Variants in CAPN7 observed in about 807,000 individuals in gnomAD.
CAPN7 encodes the protein calpain 7.
In CAPN7, 72 loss-of-function variants were observed where a neutral mutation model predicts 115.2. The observed-to-expected ratio is 0.63, with a 90% CI of 0.52 to 0.76. CAPN7 has a LOEUF of 0.76. Among genes scored for constraint, CAPN7 ranks in the 30% least tolerant of loss-of-function variants. The pLI is 0.00. For synonymous variants in CAPN7, 344 were observed against 322.3 expected (o/e 1.07, Z -0.72); for missense variants, 905 against 971.5 (o/e 0.93, Z 0.91).
In CAPN7 at chr3:15,223,347, A is replaced by G; in HGVS notation, c.639-128A>G. On this transcript the variant is annotated intron_variant, in intron 5 of 20. Coordinates refer to ENST00000253693, the MANE Select transcript of CAPN7 (RefSeq NM_014296.3). ...GAAAATATTGTCCAAAGATATATCA[A>G]CAACATGAGGTTGTCAGTTTAATTT... 3 of 641,160 alleles carry G rather than the reference A, an allele frequency of 4.7e-6. No individual in the cohort carries two copies. In the South Asian group the frequency reaches 5.4e-5, roughly 12 times the overall value. 39.7% of individuals were successfully genotyped at this position (641,160 alleles called of 1,614,324 possible).
chr3:15,233,600 C>G (rs1292719833), intron 10 of CAPN7, among the ~76,000 whole-genome samples: 1 of 152,122 alleles, frequency 6.6e-6, no homozygotes, highest in Non-Finnish European at 1.5e-5. Context: ...GCAGTTTTTT[C>G]TGTTACATGT....
intron 17 of CAPN7, 96 bp from the exon 18 acceptor site, chr3:15,246,636 G>T: frequency 1.1e-6 from 1 of 873,394 alleles, no homozygotes; most frequent in Non-Finnish European, 1.9e-6. Context: ...ACTTGTGTAT[G>T]CCAACTGATT....
intron 14 of CAPN7, among the ~76,000 whole-genome samples, 181 bp downstream of exon 14, chr3:15,241,034 G>A (rs935164945): frequency 2.0e-5 from 3 of 152,070 alleles, no homozygotes; most frequent in African/African-American, 7.2e-5. Context: ...GCAAAACCTT[G>A]TCTCTACAAA....
intron 9 of CAPN7, chr3:15,232,076 AT>A: frequency 2.9e-6 from 1 of 342,692 alleles, no homozygotes. Flanking sequence ...AGTGTTTTGG[AT>A]TTTGGATTTT....
intron 5 of CAPN7, among the ~76,000 whole-genome samples, chr3:15,222,979 G>A (rs915021348): frequency 6.6e-6 from 1 of 152,170 alleles, no homozygotes; most frequent in African/African-American, 2.4e-5. Context: ...ACAAAACAAG[G>A]AGAATGCAAA....
intron 12 of CAPN7, among the ~76,000 whole-genome samples, chr3:15,239,039 G>A (rs1052428435): frequency 6.6e-6 from 1 of 152,032 alleles, no homozygotes; most frequent in Non-Finnish European, 1.5e-5. Flanking sequence ...AGTGTTGAGA[G>A]TCCTGAAATG....
intron 9 of CAPN7, among the ~76,000 whole-genome samples, chr3:15,231,564 C>G (rs1024301281): frequency 6.6e-6 from 1 of 151,436 alleles, no homozygotes; most frequent in Non-Finnish European, 1.5e-5. Flanking sequence ...GAGTCTCACT[C>G]TGTCACCCAG....
intron 6 of CAPN7, among the ~76,000 whole-genome samples, chr3:15,227,449 G>T (rs1694387283): frequency 6.6e-6 from 1 of 152,150 alleles, no homozygotes; most frequent in Non-Finnish European, 1.5e-5. Context: ...TATTAGCCTT[G>T]CCAAGTGGAG....
At position 15,245,613 on chromosome 3, in the gene CAPN7, C is replaced by A. The variant is rs772985758; in HGVS notation, c.1952C>A (p.Thr651Asn). The A allele has an allele frequency of 1.9e-6, 3 of 1,613,842 alleles. No individual in the cohort carries two copies. The highest frequency in any genetic ancestry group is 3.3e-5 in the Admixed American group (2 of 59,994). ...KIKLTTPGTHTFTLVVSQYEK... is the reference protein window; with the variant it reads ...KIKLTTPGTHNFTLVVSQYEK... ...AAGCTGACCACACCTGGCACCCATA[C>A]CTTTACATTAGTGGTTTCTCAATAT... The change falls in exon 17 of 21, where the codon ACC becomes AAC. Residue 651 changes from threonine (T) to asparagine (N), a missense_variant. Around this residue, in one of 3 missense-constraint regions of CAPN7, gnomAD observed 620 missense variants for 703.4 expected, o/e 0.88. Coordinates refer to ENST00000253693, the MANE Select transcript of CAPN7 (RefSeq NM_014296.3).
chr3:15,244,125 G>A (rs1695519186), intron 16 of CAPN7, among the ~76,000 whole-genome samples: 1 of 152,138 alleles, frequency 6.6e-6, no homozygotes, highest in Non-Finnish European at 1.5e-5. Context: ...AAAGAAATGG[G>A]CAGTGATGGG....
intron 19 of CAPN7, among the ~76,000 whole-genome samples, chr3:15,249,006 C>CAAAAA (rs1460568964): frequency 4.9e-4 from 25 of 50,680 alleles, no homozygotes; most frequent in African/African-American, 6.7e-4. Flanking sequence ...ATACAACAAC[C>CAAAAA]AAAAAAAAAA....
intron 10 of CAPN7, among the ~76,000 whole-genome samples, chr3:15,233,102 G>T (rs1694787182): frequency 6.6e-6 from 1 of 152,136 alleles, no homozygotes; most frequent in African/African-American, 2.4e-5. Context: ...AGTCAGATTG[G>T]CATGACTTTA....
intron 12 of CAPN7, among the ~76,000 whole-genome samples, chr3:15,238,615 T>C (rs1464433098): frequency 6.6e-6 from 1 of 152,146 alleles, no homozygotes; most frequent in Non-Finnish European, 1.5e-5. Context: ...TGACTACCTC[T>C]AATCTGCTTG....
chr3:15,217,461 A>G lies in CAPN7; in HGVS notation c.248A>G (p.His83Arg), dbSNP rs1387819303. 1.2e-6 allele frequency: 2 copies of G among 1,613,618 alleles called. No individual in the cohort carries two copies. The highest frequency in any genetic ancestry group is 1.3e-5 in the African/African-American group (1 of 74,894). The change falls in exon 3 of 21, where the codon CAT (histidine) becomes CGT (arginine). Residue 83 changes from histidine to arginine, a missense_variant. His to Arg is a conservative substitution (Grantham distance 29). This residue lies in a region of CAPN7 where 271 missense variants were observed against 239.6 expected (regional missense o/e 1.13). Transcript: ENST00000253693. Reference sequence around the variant, plus strand: ...AGTGCTGATCCTTTGAAGTCAAAACATCAGTTGGACTTAGAGCGTGCTCAT... The same window carrying G: ...AGTGCTGATCCTTTGAAGTCAAAACGTCAGTTGGACTTAGAGCGTGCTCAT... Reference protein sequence around the residue: ...SKSADPLKSKHQLDLERAHFL... With the variant: ...SKSADPLKSKRQLDLERAHFL...
intron 12 of CAPN7, among the ~76,000 whole-genome samples, chr3:15,238,798 T>C (rs1695158895): frequency 6.6e-6 from 1 of 151,992 alleles, no homozygotes; most frequent in Non-Finnish European, 1.5e-5. Context: ...GGCTTTTCCT[T>C]TGCTGCTACT....
intron 19 of CAPN7, among the ~76,000 whole-genome samples, chr3:15,248,084 G>A (rs1235603978): frequency 6.6e-6 from 1 of 152,014 alleles, no homozygotes; most frequent in East Asian, 1.9e-4. Flanking sequence ...TAGATGACGA[G>A]TTAGTGGGTG....
At chr3:15,233,750 C>A in intron 10 of CAPN7, 117 bp from the exon 11 acceptor site, 1 of 653,646 alleles carries the variant, frequency 1.5e-6, no homozygotes, top group Non-Finnish European at 2.7e-6. Context: ...AAACAACTAC[C>A]TTCTGATTTA....
rs1696043870 is a variant in CAPN7, at chr3:15,252,469, C to G, written c.*1209C>G. On this transcript the variant is annotated 3_prime_UTR_variant, in exon 21 of 21. Coordinates refer to ENST00000253693, the MANE Select transcript of CAPN7 (RefSeq NM_014296.3). Reference sequence around the variant, plus strand: ...TGAGATTTCACTTTGGTAAATACTTCATGCTTTCAGTTTTAGCCTATTAAT... The same window carrying G: ...TGAGATTTCACTTTGGTAAATACTTGATGCTTTCAGTTTTAGCCTATTAAT... 6.6e-6 allele frequency: 1 copy of G among 152,410 alleles called. No individual in the cohort carries two copies. The highest frequency in any genetic ancestry group is 1.5e-5 in the Non-Finnish European group (1 of 68,004). 9.4% of individuals were successfully genotyped at this position (152,410 alleles called of 1,614,324 possible).
At chr3:15,220,737 TGAGTAGAAA>T in intron 4 of CAPN7, 35 bp from the exon 5 acceptor site, 1 of 1,575,056 alleles carries the variant, frequency 6.3e-7, no homozygotes, top group South Asian at 1.1e-5. Context: ...AGCTTAAATG[TGAGTAGAAA>T]AACTAGAACA....
Sources: gnomAD v4.1 joint callset for allele counts (sites outside exome capture counted in the v4.1 genomes callset) on GRCh38, gnomAD v4.1.1 for gene constraint, gnomAD v4.1.1 regional missense constraint, MANE v1.5 for transcripts, NCBI Gene and HGNC (gene_info 2026-07-23, HGNC 2026-07-21) for gene names.